Variants in CHCHD3 observed in about 807,000 individuals in gnomAD.
The protein encoded by CHCHD3 is MICOS complex subunit MIC19.
CHCHD3 carries 20 observed loss-of-function variants against 38.2 expected under a neutral mutation model. The observed-to-expected ratio is 0.52, with a 90% CI of 0.37 to 0.76. The LOEUF is 0.76. Among genes scored for constraint, CHCHD3 ranks in the 30% least tolerant of loss-of-function variants. The pLI is 0.00. For missense variants in CHCHD3, 245 were observed against 279.2 expected (o/e 0.88, Z 0.87); for synonymous variants, 82 against 100.0 (o/e 0.82, Z 1.07).
At chr7:132,995,865 T>C (rs1812401292) in intron 3 of CHCHD3, among the ~76,000 whole-genome samples, 1 of 152,186 alleles carries the variant, frequency 6.6e-6, no homozygotes. Flanking sequence ...CCAATAATAT[T>C]ATAATAGCTA....
rs574264746 is a variant in CHCHD3 at position 132,954,180 on chromosome 7, G to A, written c.369+20989C>T. ...GTGCTTCCAAGGCACATGGGGGTCC[G>A]CCTTGCTCTGGTGTATATGGCAGCC... On this transcript the variant is annotated intron_variant, in intron 4 of 7. Coordinates refer to ENST00000262570, the MANE Select transcript of CHCHD3 (RefSeq NM_017812.4). 1.6e-4 allele frequency among the ~76,000 whole-genome samples: 24 copies of A among 152,110 alleles called. No homozygotes were observed. In the South Asian group the frequency reaches 3.3e-3, roughly 21 times the overall value.
intron 4 of CHCHD3, among the ~76,000 whole-genome samples, chr7:132,950,549 T>C (rs1278749010): frequency 2.0e-5 from 3 of 152,204 alleles, no homozygotes; most frequent in East Asian, 3.8e-4. Context: ...AGACAGAGTA[T>C]GTAAGACAGC....
chr7:133,071,549 G>A (rs969126494), intron 1 of CHCHD3, among the ~76,000 whole-genome samples: 1 of 152,186 alleles, frequency 6.6e-6, no homozygotes, highest in Non-Finnish European at 1.5e-5. Flanking sequence ...ACAATGTAGA[G>A]AACAGATTGG....
At chr7:133,011,241 G>A (rs1812862772) in intron 3 of CHCHD3, among the ~76,000 whole-genome samples, 1 of 152,198 alleles carries the variant, frequency 6.6e-6, no homozygotes, top group African/African-American at 2.4e-5. Flanking sequence ...AAAAGGACTT[G>A]GACTTTATGC....
Position 132,921,299 on chromosome 7 carries a change from T to C in CHCHD3, c.370-35554A>G, listed in dbSNP as rs961272369. Among the ~76,000 whole-genome samples, 82 of 152,178 alleles carry C rather than the reference T, an allele frequency of 5.4e-4. 1 individual carries two copies. The highest frequency in any genetic ancestry group is 1.0e-4 in the Non-Finnish European group (7 of 68,022). ...TTATAAATTTCTCTCTACCAAAGAA[T>C]TCAAACCAATTATATATACTTGAAA... On this transcript the variant is annotated intron_variant, in intron 4 of 7. Transcript: ENST00000262570.
At chr7:132,938,561 T>C (rs927710080) in intron 4 of CHCHD3, among the ~76,000 whole-genome samples, 1 of 83,260 alleles carries the variant, frequency 1.2e-5, no homozygotes, top group Admixed American at 1.3e-4. Flanking sequence ...TTTAATTCAA[T>C]ACACAGCTAA....
intron 5 of CHCHD3, among the ~76,000 whole-genome samples, chr7:132,853,017 A>C (rs6943519): frequency 0.7 from 105,849 of 152,106 alleles, 37,549 homozygotes; most frequent in African/African-American, 0.81. Context: ...TCAGCACCAG[A>C]TGAGCTGTAA....
At chr7:132,930,328 G>A (rs1442303551) in intron 4 of CHCHD3, among the ~76,000 whole-genome samples, 5 of 152,010 alleles carry the variant, frequency 3.3e-5, no homozygotes, top group East Asian at 1.9e-4. Flanking sequence ...CACCATGCCC[G>A]GCTAATTTTT....
At chr7:132,790,347 A>C (rs74388874) in intron 7 of CHCHD3, among the ~76,000 whole-genome samples, 3,628 of 152,312 alleles carry the variant, frequency 0.024, 163 homozygotes, top group African/African-American at 0.082. Flanking sequence ...CTATTAAGAA[A>C]AATGAAAATC....
chr7:132,911,862 G>A (rs763520163), intron 4 of CHCHD3, among the ~76,000 whole-genome samples: 2 of 152,170 alleles, frequency 1.3e-5, no homozygotes, highest in Non-Finnish European at 2.9e-5. Context: ...AAACCAAATC[G>A]GAGCTGAATA....
chr7:132,988,328 T>C (rs1812182179), intron 3 of CHCHD3, among the ~76,000 whole-genome samples: 1 of 151,490 alleles, frequency 6.6e-6, no homozygotes, highest in African/African-American at 2.4e-5. Flanking sequence ...CACACAAATA[T>C]ACAGATACCA....
At chr7:132,795,320 T>C (rs1037009212) in intron 7 of CHCHD3, among the ~76,000 whole-genome samples, 3 of 152,190 alleles carry the variant, frequency 2.0e-5, no homozygotes, top group Non-Finnish European at 2.9e-5. Flanking sequence ...AAATAAAACG[T>C]ACTAACTTAA....
intron 2 of CHCHD3, among the ~76,000 whole-genome samples, chr7:133,067,214 T>C (rs534891284): frequency 1.3e-5 from 2 of 152,326 alleles, no homozygotes; most frequent in South Asian, 2.1e-4. Context: ...CATCTATCAT[T>C]ACTTCAGTAT....
At chr7:132,962,312 T>G (rs950066319) in intron 4 of CHCHD3, among the ~76,000 whole-genome samples, 12 of 152,188 alleles carry the variant, frequency 7.9e-5, no homozygotes, top group African/African-American at 2.9e-4. Flanking sequence ...AAAACTCAAT[T>G]TATACGTATA....
At chr7:132,810,323 AC>A (rs1432149299) in intron 6 of CHCHD3, among the ~76,000 whole-genome samples, 3 of 152,230 alleles carry the variant, frequency 2.0e-5, no homozygotes, top group Non-Finnish European at 4.4e-5. Flanking sequence ...AACTGCACGT[AC>A]CTCTGTGAAG....
At chr7:132,918,450 A>G in intron 4 of CHCHD3, among the ~76,000 whole-genome samples, 1 of 152,236 alleles carries the variant, frequency 6.6e-6, no homozygotes, top group African/African-American at 2.4e-5. Context: ...AATCGAGACC[A>G]GTAAGTGAAA....
At chr7:133,001,538 G>A (rs1229070736) in intron 3 of CHCHD3, among the ~76,000 whole-genome samples, 1 of 151,998 alleles carries the variant, frequency 6.6e-6, no homozygotes, top group African/African-American at 2.4e-5. Flanking sequence ...TTAATTACTT[G>A]TTAATCTGAT....
At chr7:132,802,088 C>A (rs1806807853) in intron 6 of CHCHD3, among the ~76,000 whole-genome samples, 1 of 152,174 alleles carries the variant, frequency 6.6e-6, no homozygotes, top group Non-Finnish European at 1.5e-5. Context: ...GCCTCATACA[C>A]CCTAAACAGA....
intron 5 of CHCHD3, among the ~76,000 whole-genome samples, chr7:132,839,980 G>A (rs1299459760): frequency 1.3e-5 from 2 of 152,206 alleles, no homozygotes; most frequent in African/African-American, 2.4e-5. Context: ...CAAGCACAAA[G>A]GTGCATTTCT....
Sources: gnomAD v4.1 joint callset for allele counts (sites outside exome capture counted in the v4.1 genomes callset) on GRCh38, gnomAD v4.1.1 for gene constraint, MANE v1.5 for transcripts, NCBI Gene and HGNC (gene_info 2026-07-23, HGNC 2026-07-21) for gene names.